The following ACACB variants were observed in gnomAD, a reference collection of about 807,000 sequenced individuals.
The protein encoded by ACACB is acetyl-CoA carboxylase beta, also known as acetyl-CoA carboxylase 2.
Under a neutral mutation model 278.8 loss-of-function variants are expected in ACACB, and 209 were observed. The ratio of observed to expected loss-of-function variants is 0.75; its 90% CI spans 0.67 to 0.84. The LOEUF is 0.84. ACACB is among the 40% of genes least tolerant of loss of function. The probability of loss-of-function intolerance (pLI) is 0.00; values close to 1 mark genes in which losing one functional copy is unlikely to be tolerated. For synonymous variants in ACACB, 1,174 were observed against 1,285.6 expected, an observed-to-expected ratio of 0.91 and a Z score of 1.86; for missense variants, 2,850 against 3,269.0, an observed-to-expected ratio of 0.87 and a Z score of 3.13.
intron 1 of ACACB, among the ~76,000 whole-genome samples, chr12:109,122,922 C>T (rs2042585052): frequency 6.6e-6 from 1 of 152,072 alleles, no homozygotes; most frequent in Admixed American, 6.6e-5. Context: ...GTGGCTCATG[C>T]CTGTAATCCC....
At position 109,167,918 on chromosome 12, in the gene ACACB, T is replaced by C; in HGVS notation, c.809T>C (p.Ile270Thr). 2 of 1,613,928 alleles carry C rather than the reference T, an allele frequency of 1.2e-6. No individual in the cohort carries two copies. Among genetic ancestry groups the C allele is most frequent in the Non-Finnish European group, 8.5e-7 (1 of 1,179,968 alleles). ...CAGGTGCTTATTGCCAACAACGGGA[T>C]TGCCGCCGTGAAGTGCATGCGCTCC... ...IEKVLIANNG[I>T]AAVKCMRSIR... is the part of the protein sequence containing the mutation. Residue 270 changes from isoleucine to threonine, a missense_variant, in exon 4 of 53, where the codon ATT becomes ACT. By Grantham distance (89) the Ile-to-Thr change is moderately conservative. Coordinates refer to ENST00000338432, the MANE Select transcript of ACACB (RefSeq NM_001093.4).
intron 40 of ACACB, chr12:109,249,354 A>G (rs918313340): frequency 3.9e-5 from 6 of 152,216 alleles, no homozygotes; most frequent in African/African-American, 1.4e-4. Context: ...TTCAGCTTTT[A>G]TCTGTATCTA....
intron 2 of ACACB, among the ~76,000 whole-genome samples, chr12:109,153,522 G>A (rs2043434913): frequency 6.6e-6 from 1 of 152,122 alleles, no homozygotes; most frequent in Non-Finnish European, 1.5e-5. Context: ...ACCCAGAAGG[G>A]AATTTACTGG....
intron 7 of ACACB, among the ~76,000 whole-genome samples, chr12:109,175,180 A>T (rs1013487686): frequency 1.3e-5 from 2 of 152,234 alleles, no homozygotes; most frequent in African/African-American, 4.8e-5. Context: ...AGGACAAATT[A>T]AAAAATAAAT....
At chr12:109,140,145 G>A (rs2043066911) in intron 2 of ACACB, 87 bp downstream of exon 2, 1 of 1,394,898 alleles carries the variant, frequency 7.2e-7, no homozygotes, top group Non-Finnish European at 9.5e-7. Context: ...CCTTGATCAA[G>A]CTGTTTGCTG....
intron 5 of ACACB, 55 bp downstream of exon 5, chr12:109,171,969 G>A: frequency 7.0e-7 from 1 of 1,431,592 alleles, no homozygotes; most frequent in Non-Finnish European, 9.8e-7. Context: ...GATGCCCCTA[G>A]GTTCTAGTTC....
intron 4 of ACACB, among the ~76,000 whole-genome samples, chr12:109,170,311 C>T (rs192124992): frequency 9.0e-4 from 137 of 152,106 alleles, no homozygotes; most frequent in African/African-American, 1.9e-3. Flanking sequence ...GTGATCTGCC[C>T]GCCTCAGCCT....
chr12:109,253,118 G>A lies in ACACB; in HGVS notation c.6005G>A (p.Gly2002Glu), dbSNP rs2047139532. The A allele has an allele frequency of 3.7e-6, 6 of 1,611,612 alleles. No individual in the cohort carries two copies. Among genetic ancestry groups the A allele is most frequent in the Non-Finnish European group, 5.1e-6 (6 of 1,178,610 alleles). Reference sequence around the variant, plus strand: ...ATCACCGTGCCAGATGACTTTGAGGGGGTTTATACCATCCTGGAGTGGCTG... The same window carrying A: ...ATCACCGTGCCAGATGACTTTGAGGAGGTTTATACCATCCTGGAGTGGCTG... ...SHITVPDDFEGVYTILEWLSY... is the reference protein window; with the variant it reads ...SHITVPDDFEEVYTILEWLSY... The change falls in exon 43 of 53, where the codon GGG (glycine) becomes GAG (glutamate). Residue 2002 changes from glycine to glutamate, a missense_variant. By Grantham distance (98) the Gly-to-Glu change is moderately conservative. Coordinates refer to ENST00000338432, the MANE Select transcript of ACACB (RefSeq NM_001093.4).
intron 29 of ACACB, 118 bp downstream of exon 29, chr12:109,232,924 G>A (rs940625642): frequency 2.6e-5 from 32 of 1,230,164 alleles, no homozygotes; most frequent in Admixed American, 6.8e-5. Context: ...ACGTGGCACA[G>A]CATGTCAATA....
intron 2 of ACACB, among the ~76,000 whole-genome samples, chr12:109,163,930 G>A (rs1448775179): frequency 2.0e-5 from 3 of 152,176 alleles, no homozygotes; most frequent in African/African-American, 4.8e-5. Flanking sequence ...GATCACAGGC[G>A]TAAGCCACCA....
At chr12:109,252,004 C>A in intron 41 of ACACB, 42 bp from the exon 42 acceptor site, 1 of 1,496,656 alleles carries the variant, frequency 6.7e-7, no homozygotes, top group Non-Finnish European at 9.1e-7. Flanking sequence ...GGGTGGGTCC[C>A]TCGCCACTCT....
chr12:109,140,126 C>A, intron 2 of ACACB, 68 bp downstream of exon 2: 2 of 1,464,700 alleles, frequency 1.4e-6, no homozygotes, highest in Non-Finnish European at 1.8e-6. Flanking sequence ...CCTTCCCAAC[C>A]TGTGCCCACC....
At chr12:109,220,812 C>T (rs1468772463) in intron 24 of ACACB, among the ~76,000 whole-genome samples, 1 of 152,182 alleles carries the variant, frequency 6.6e-6, no homozygotes, top group East Asian at 1.9e-4. Context: ...GCCTTGGCCT[C>T]CCAAAGTGCA....
intron 43 of ACACB, among the ~76,000 whole-genome samples, chr12:109,253,811 T>C (rs2047157051): frequency 6.6e-6 from 1 of 152,162 alleles, no homozygotes; most frequent in African/African-American, 2.4e-5. Context: ...AAGTCACAAA[T>C]GTCAGTTTGT....
At chr12:109,120,261 G>A (rs2042512299) in intron 1 of ACACB, among the ~76,000 whole-genome samples, 2 of 152,200 alleles carry the variant, frequency 1.3e-5, no homozygotes, top group Non-Finnish European at 2.9e-5. Flanking sequence ...ACACCAGGCT[G>A]CCTGTGGTTT....
rs1229654052 is a variant in ACACB at position 109,179,313 on chromosome 12, C to T, written c.1647+16C>T. On this transcript the variant is annotated intron_variant, in intron 10 of 52. Coordinates refer to ENST00000338432, the MANE Select transcript of ACACB (RefSeq NM_001093.4). The stretch of plus-strand genomic sequence containing the variant: ...CATGGAGCAGGTACACTTCTCAGAG[C>T]CCAGGGGGCAGCTTCAGAGAGAGCC... 1.2e-6 allele frequency: 2 copies of T among 1,609,244 alleles called. No individual in the cohort carries two copies. The highest frequency in any genetic ancestry group is 1.7e-6 in the Non-Finnish European group (2 of 1,178,156).
intron 2 of ACACB, among the ~76,000 whole-genome samples, chr12:109,141,914 T>C (rs2043133285): frequency 6.6e-6 from 1 of 152,080 alleles, no homozygotes; most frequent in Non-Finnish European, 1.5e-5. Flanking sequence ...CCTTCACCTC[T>C]CCAGGCCCCA....
chr12:109,210,306 T>TAC (rs778962506), intron 21 of ACACB, among the ~76,000 whole-genome samples: 3 of 60,104 alleles, frequency 5.0e-5, no homozygotes, highest in East Asian at 5.8e-4. Flanking sequence ...TATGTATATA[T>TAC]ACACACACAT....
At position 109,199,570 on chromosome 12, in the gene ACACB, C is replaced by G. The variant is rs765626651; in HGVS notation, c.2778+18C>G. 7.0e-7 allele frequency: 1 copy of G among 1,420,154 alleles called. No individual in the cohort carries two copies. The highest frequency in any genetic ancestry group is 1.9e-4 in the Middle Eastern group (1 of 5,148). 88.0% of individuals were successfully genotyped at this position (1,420,154 alleles called of 1,614,324 possible). A position where few individuals can be genotyped will look rare whatever the true frequency, so the allele number is the denominator to read the frequency against. On this transcript the variant is annotated intron_variant, in intron 18 of 52. Transcript: ENST00000338432. The stretch of plus-strand genomic sequence containing the variant: ...AGATGGAGGTGACTGCAGAGCCGGC[C>G]GTGGGGAATCCTGAACCCTCAAACT...
Sources: allele counts gnomAD v4.1 joint callset (sites outside exome capture counted in the v4.1 genomes callset), GRCh38; gene constraint gnomAD v4.1.1; transcripts MANE v1.5; gene names NCBI Gene and HGNC (gene_info 2026-07-23, HGNC 2026-07-21).